The following SNUPN variants were observed in gnomAD, a reference collection of about 807,000 sequenced individuals.
SNUPN encodes the protein snurportin-1.
In SNUPN, 31 loss-of-function variants were observed where a neutral mutation model predicts 39.2. That is an observed-to-expected ratio of 0.79 (90% CI 0.59 to 1.07). The LOEUF is 1.07. Among genes scored for constraint, SNUPN ranks in the 50% least tolerant of loss-of-function variants. The pLI is 0.00. For missense variants in SNUPN, 382 were observed against 434.2 expected, an observed-to-expected ratio of 0.88 and a Z score of 1.07; for synonymous variants, 132 against 159.0, an observed-to-expected ratio of 0.83 and a Z score of 1.28.
chr15:75,623,859 T>G (rs924896388), intron 1 of SNUPN, among the ~76,000 whole-genome samples: 2 of 152,130 alleles, frequency 1.3e-5, no homozygotes, highest in African/African-American at 4.8e-5. Context: ...TCATCCATAA[T>G]GGTATGTATG....
chr15:75,605,418 T>C (rs1423917543), intron 6 of SNUPN, 191 bp from the exon 7 acceptor site: 1 of 407,202 alleles, frequency 2.5e-6, no homozygotes, highest in African/African-American at 2.1e-5. Context: ...GCGATTCTCC[T>C]GCCTCCCAAG....
chr15:75,603,714 G>C (rs1193008290), intron 7 of SNUPN, among the ~76,000 whole-genome samples: 2 of 151,092 alleles, frequency 1.3e-5, no homozygotes, highest in Non-Finnish European at 2.9e-5. Flanking sequence ...ACAGTCAGGA[G>C]TGGGAACCAC....
At chr15:75,623,500 A>G (rs984946928) in intron 1 of SNUPN, among the ~76,000 whole-genome samples, 17 of 149,280 alleles carry the variant, frequency 1.1e-4, no homozygotes, top group Non-Finnish European at 1.6e-4. Flanking sequence ...GCTGGACTAC[A>G]GTGGTGTGAT....
At chr15:75,625,993 G>C (rs1325021255), upstream of SNUPN, 1 of 152,342 alleles carries the variant, frequency 6.6e-6, no homozygotes, top group Non-Finnish European at 1.5e-5. Context: ...CAAGCTCTTC[G>C]GGGCTCCTTT....
intron 6 of SNUPN, among the ~76,000 whole-genome samples, chr15:75,605,735 C>T (rs1267462531): frequency 6.6e-6 from 1 of 152,126 alleles, no homozygotes; most frequent in Admixed American, 6.6e-5. Flanking sequence ...ATAAAATATC[C>T]TTCAGCAGAA....
rs73439268 is a variant in SNUPN at position 75,619,379 on chromosome 15, C to T, written c.158+1515G>A. Reference sequence around the variant, plus strand: ...CGGAAGGGCCAGGCGTAGTGGCTGACGTCTGAAATCCCAGCACTTTGGGAG... The same window carrying T: ...CGGAAGGGCCAGGCGTAGTGGCTGATGTCTGAAATCCCAGCACTTTGGGAG... On this transcript the variant is annotated intron_variant, in intron 2 of 8. Transcript: ENST00000308588. Among the ~76,000 whole-genome samples, 794 of 151,978 alleles carry T rather than the reference C, an allele frequency of 5.2e-3. 6 individuals are homozygous for T. Among genetic ancestry groups the T allele is most frequent in the African/African-American group, 0.018 (734 of 41,470 alleles).
intron 5 of SNUPN, among the ~76,000 whole-genome samples, chr15:75,609,170 G>A (rs1193394588): frequency 6.7e-6 from 1 of 149,144 alleles, no homozygotes; most frequent in Admixed American, 6.7e-5. Flanking sequence ...CTATCAAAGT[G>A]GGTCTTTTTT....
intron 2 of SNUPN, among the ~76,000 whole-genome samples, chr15:75,620,511 A>C (rs1336004492): frequency 6.6e-6 from 1 of 152,186 alleles, no homozygotes; most frequent in Admixed American, 6.5e-5. Flanking sequence ...GGAAGACCAC[A>C]CCAATACCAG....
chr15:75,598,238 T>G lies in SNUPN; in HGVS notation c.*120A>C. Reference sequence around the variant, plus strand: ...AGATTATAGATAAGCTGTTTCCAGCTGGACTGGGTTTGGAAAGTTCACTCT... The same window carrying G: ...AGATTATAGATAAGCTGTTTCCAGCGGGACTGGGTTTGGAAAGTTCACTCT... On this transcript the variant is annotated 3_prime_UTR_variant, in exon 9 of 9. Coordinates refer to ENST00000308588, the MANE Select transcript of SNUPN (RefSeq NM_005701.4). The G allele has an allele frequency of 1.4e-6, 1 of 738,298 alleles. No individual in the cohort carries two copies. Among genetic ancestry groups the G allele is most frequent in the Non-Finnish European group, 2.2e-6 (1 of 458,604 alleles). 45.7% of individuals were successfully genotyped at this position (738,298 alleles called of 1,614,324 possible). A position where few individuals can be genotyped will look rare whatever the true frequency, so the allele number is the denominator to read the frequency against.
intron 1 of SNUPN, chr15:75,622,390 G>A (rs925801385): frequency 2.0e-6 from 2 of 985,314 alleles, no homozygotes; most frequent in African/African-American, 3.5e-5. Flanking sequence ...TAACGTCAAT[G>A]CTCCAGTAGT....
At chr15:75,606,861 G>A (rs956555110) in intron 6 of SNUPN, among the ~76,000 whole-genome samples, 1 of 152,046 alleles carries the variant, frequency 6.6e-6, no homozygotes, top group Non-Finnish European at 1.5e-5. Flanking sequence ...TGCTGCACAA[G>A]GTGGCATCCC....
At chr15:75,614,705 T>G (rs1262715733) in intron 3 of SNUPN, among the ~76,000 whole-genome samples, 1 of 152,056 alleles carries the variant, frequency 6.6e-6, no homozygotes, top group Non-Finnish European at 1.5e-5. Flanking sequence ...GTCTTGTGAC[T>G]ACACTAAAAA....
chr15:75,605,292 A>C, intron 6 of SNUPN, 65 bp from the exon 7 acceptor site: 1 of 1,181,402 alleles, frequency 8.5e-7, no homozygotes. Flanking sequence ...TATAAACAAA[A>C]ACACCCCATG....
chr15:75,598,397 G>A lies in SNUPN; in HGVS notation c.1044C>T (p.Ser348=), dbSNP rs1567545024. 1.9e-6 allele frequency: 3 copies of A among 1,614,186 alleles called. No homozygotes were observed. Among genetic ancestry groups the A allele is most frequent in the Non-Finnish European group, 2.5e-6 (3 of 1,180,028 alleles). ...GGCATCCAGGGTGGTCTGGGCTATG[G>A]GAAGAACCCTTCAACTTGGGAGTAG... is the stretch of plus-strand genomic sequence containing the variant. ...HLSTPKLKGS[S]HSPDHPGCLM... Residue 348 remains serine, a synonymous_variant, in exon 9 of 9, where the codon TCC becomes TCT. Transcript: ENST00000308588.
At chr15:75,624,447 T>C (rs1158292814) in intron 1 of SNUPN, among the ~76,000 whole-genome samples, 1 of 144,458 alleles carries the variant, frequency 6.9e-6, no homozygotes, top group Non-Finnish European at 1.5e-5. Flanking sequence ...TCACCTGAGG[T>C]TAGGAGATCG....
chr15:75,622,966 C>A (rs1253099405), intron 1 of SNUPN, among the ~76,000 whole-genome samples: 2 of 151,938 alleles, frequency 1.3e-5, no homozygotes, highest in Non-Finnish European at 2.9e-5. Flanking sequence ...ATAGCAAGAC[C>A]TTGTCTGTAA....
intron 8 of SNUPN, chr15:75,600,645 T>C (rs2075278414): frequency 6.1e-6 from 1 of 162,934 alleles, no homozygotes; most frequent in Non-Finnish European, 1.3e-5. Flanking sequence ...ACCTGACTCA[T>C]GCTCCTGCTC....
chr15:75,609,846 C>T, intron 4 of SNUPN, 44 bp downstream of exon 4: 1 of 1,484,848 alleles, frequency 6.7e-7, no homozygotes, highest in South Asian at 1.1e-5. Context: ...ATCCCTCCCA[C>T]TACAGACCAG....
chr15:75,612,762 C>T (rs928106728), intron 3 of SNUPN, among the ~76,000 whole-genome samples: 2 of 152,068 alleles, frequency 1.3e-5, no homozygotes, highest in African/African-American at 2.4e-5. Context: ...CTACCCTTCC[C>T]TTCTGCGTCT....
Sources: allele counts gnomAD v4.1 joint callset (sites outside exome capture counted in the v4.1 genomes callset), GRCh38; gene constraint gnomAD v4.1.1; transcripts MANE v1.5; gene names NCBI Gene and HGNC (gene_info 2026-07-23, HGNC 2026-07-21).